Variants in KLF12 observed in about 807,000 individuals in gnomAD.
KLF12 encodes KLF transcription factor 12, also known as Krueppel-like factor 12.
A neutral mutation model predicts 37.8 loss-of-function variants in KLF12; 9 were observed. The observed-to-expected ratio is 0.24, with a 90% CI of 0.14 to 0.42. KLF12 has a LOEUF of 0.42. Ranked by LOEUF, KLF12 falls within the 10% of genes least tolerant of loss-of-function variation. The pLI is 1.00. For missense variants in KLF12, 411 were observed against 516.0 expected, an observed-to-expected ratio of 0.80 and a Z score of 1.97; for synonymous variants, 208 against 202.1, an observed-to-expected ratio of 1.03 and a Z score of -0.25.
rs1892648690 is a variant in KLF12, at chr13:74,014,919, T to C, written c.-31-19866A>G. ...AAGTAAAGCTGTGAGGTTAAGAGTT[T>C]GCCATGGTTAATTCAATAGCAAATG... On this transcript the variant is annotated intron_variant, in intron 1 of 7. Coordinates refer to ENST00000377669, the MANE Select transcript of KLF12 (RefSeq NM_007249.5). Among the ~76,000 whole-genome samples, 3 of 152,326 alleles carry C rather than the reference T, an allele frequency of 2.0e-5. No homozygotes were observed. The South Asian group carries it at 6.2e-4, about 32-fold the overall frequency.
intron 1 of KLF12, among the ~76,000 whole-genome samples, chr13:74,088,064 A>G (rs1405934957): frequency 1.3e-5 from 2 of 152,122 alleles, no homozygotes; most frequent in African/African-American, 4.8e-5. Flanking sequence ...CAGACTGGAA[A>G]ACAAAAGCAT....
chr13:73,876,733 G>A (rs1886723216), intron 3 of KLF12, among the ~76,000 whole-genome samples: 1 of 151,742 alleles, frequency 6.6e-6, no homozygotes, highest in Admixed American at 6.6e-5. Context: ...ACTTTTCTGT[G>A]GCTGGGCGCG....
chr13:74,091,437 C>T (rs1228632943), intron 1 of KLF12, among the ~76,000 whole-genome samples: 2 of 152,172 alleles, frequency 1.3e-5, no homozygotes, highest in Non-Finnish European at 2.9e-5. Context: ...AGTATGAAGA[C>T]ATTTCAGATG....
chr13:73,776,949 A>T (rs970676020), intron 5 of KLF12, among the ~76,000 whole-genome samples: 5 of 152,228 alleles, frequency 3.3e-5, no homozygotes, highest in African/African-American at 1.2e-4. Flanking sequence ...AAAAAAAGAC[A>T]ACAGTCCAAT....
intron 1 of KLF12, among the ~76,000 whole-genome samples, chr13:74,046,806 G>T (rs2138572570): frequency 6.6e-6 from 1 of 152,170 alleles, no homozygotes; most frequent in African/African-American, 2.4e-5. Flanking sequence ...ACTTTCATTT[G>T]ATATTACTAC....
At chr13:74,187,306 AGAGG>A in the KLF12 span, among the ~76,000 whole-genome samples, 2 of 151,936 alleles carry the variant, frequency 1.3e-5, no homozygotes, top group African/African-American at 2.4e-5. Flanking sequence ...CCTGGGTGAC[AGAGG>A]GAGACCCTGT....
chr13:74,223,064 C>T, the KLF12 span, among the ~76,000 whole-genome samples: 1 of 152,098 alleles, frequency 6.6e-6, no homozygotes, highest in African/African-American at 2.4e-5. Flanking sequence ...CACATAATAC[C>T]CTCACCCTTT....
At position 73,688,688 on chromosome 13, in the gene KLF12, A is replaced by G. The variant is rs1250834819; in HGVS notation, c.*6802T>C. 1 of 152,188 alleles carries G rather than the reference A, an allele frequency of 6.6e-6. No individual in the cohort carries two copies. The allele number at this position is 152,188 out of a possible 1,614,324, so 9.4% of individuals were successfully genotyped here. On this transcript the variant is annotated 3_prime_UTR_variant, in exon 8 of 8. Transcript: ENST00000377669. ...GATCCTTCATGCATGATTTTCCGGG[A>G]AAGGCCTGATTTCAAATATTCAGTA... is the stretch of plus-strand genomic sequence containing the variant.
At chr13:73,714,906 T>C (rs1484856624) in intron 7 of KLF12, among the ~76,000 whole-genome samples, 4 of 152,202 alleles carry the variant, frequency 2.6e-5, no homozygotes, top group Non-Finnish European at 4.4e-5. Context: ...TGAATGTTTG[T>C]AAAAACTTCC....
intron 1 of KLF12, among the ~76,000 whole-genome samples, chr13:74,020,092 C>T (rs1566506730): frequency 6.6e-6 from 1 of 152,190 alleles, no homozygotes; most frequent in South Asian, 2.1e-4. Context: ...ATAAAAAAGA[C>T]TTTACATGTC....
intron 4 of KLF12, among the ~76,000 whole-genome samples, chr13:73,827,616 G>A (rs1883922431): frequency 6.6e-6 from 1 of 152,054 alleles, no homozygotes; most frequent in Admixed American, 6.6e-5. Context: ...TGTATGTAGT[G>A]CAATGGCGCA....
intron 3 of KLF12, among the ~76,000 whole-genome samples, chr13:73,860,425 A>T (rs1885859910): frequency 6.6e-6 from 1 of 152,148 alleles, no homozygotes; most frequent in Admixed American, 6.5e-5. Flanking sequence ...CAAAGGCCTT[A>T]CTGGGTCTCA....
intron 3 of KLF12, among the ~76,000 whole-genome samples, chr13:73,933,478 A>G (rs1304582864): frequency 6.6e-6 from 1 of 152,204 alleles, no homozygotes; most frequent in Non-Finnish European, 1.5e-5. Flanking sequence ...GTTATCAGAC[A>G]TAAGAATTCC....
the KLF12 span, among the ~76,000 whole-genome samples, chr13:74,173,217 G>A: frequency 6.6e-6 from 1 of 152,222 alleles, no homozygotes; most frequent in South Asian, 2.1e-4. Flanking sequence ...AAGTTCTTGA[G>A]AGCAGCAAGG....
intron 2 of KLF12, among the ~76,000 whole-genome samples, chr13:73,952,959 G>T (rs1274030136): frequency 6.6e-6 from 1 of 152,190 alleles, no homozygotes; most frequent in Non-Finnish European, 1.5e-5. Flanking sequence ...TTGAGAGACA[G>T]TTCAGAGCTG....
intron 2 of KLF12, among the ~76,000 whole-genome samples, chr13:73,984,296 T>A (rs1377112925): frequency 6.6e-6 from 1 of 152,194 alleles, no homozygotes; most frequent in African/African-American, 2.4e-5. Context: ...GCCGCATGCA[T>A]CTCACACTGG....
intron 2 of KLF12, among the ~76,000 whole-genome samples, chr13:73,954,722 T>C (rs1312325461): frequency 6.6e-6 from 1 of 152,242 alleles, no homozygotes; most frequent in Admixed American, 6.5e-5. Flanking sequence ...GCCAAATGCA[T>C]ACACTTGACC....
chr13:73,740,214 T>C (rs565664884), intron 6 of KLF12, among the ~76,000 whole-genome samples: 9 of 152,322 alleles, frequency 5.9e-5, no homozygotes, highest in Admixed American at 2.0e-4. Flanking sequence ...AGTGCCCTTA[T>C]AAAAGAGGCT....
At chr13:73,917,463 C>A (rs764651742) in intron 3 of KLF12, among the ~76,000 whole-genome samples, 1 of 152,046 alleles carries the variant, frequency 6.6e-6, no homozygotes, top group African/African-American at 2.4e-5. Context: ...TTTTTGTACC[C>A]GCCCATACTG....
Sources: gnomAD v4.1 joint callset for allele counts (sites outside exome capture counted in the v4.1 genomes callset) on GRCh38, gnomAD v4.1.1 for gene constraint, MANE v1.5 for transcripts, NCBI Gene and HGNC (gene_info 2026-07-23, HGNC 2026-07-21) for gene names.